The following UNKL variants were observed in gnomAD, a reference collection of about 807,000 sequenced individuals.
UNKL encodes the protein putative E3 ubiquitin-protein ligase UNKL.
In UNKL, 60 loss-of-function variants were observed where a neutral mutation model predicts 78.0. The ratio of observed to expected loss-of-function variants is 0.77; its 90% confidence interval spans 0.63 to 0.95. UNKL has a LOEUF of 0.95. Ranked by LOEUF, UNKL falls within the 40% of genes least tolerant of loss-of-function variation. The pLI, the probability that UNKL is intolerant of heterozygous loss-of-function variation, is 0.00. For synonymous variants in UNKL, 608 were observed against 474.8 expected (o/e 1.28, Z -3.65); for missense variants, 1,159 against 1,045.7 (o/e 1.11, Z -1.49).
chr16:1,366,464 G>A (rs1008192780), intron 14 of UNKL, 69 bp from the exon 15 acceptor site: 87 of 1,469,818 alleles, frequency 5.9e-5, no homozygotes, highest in Non-Finnish European at 7.7e-5. Context: ...GGAGCCGGAG[G>A]GCCTTCCGGG....
At chr16:1,405,768 A>G (rs1362913709) in intron 2 of UNKL, 1 of 345,250 alleles carries the variant, frequency 2.9e-6, no homozygotes, top group Non-Finnish European at 5.9e-6. Flanking sequence ...ATCAGTGAGC[A>G]GAGCCACGTG....
At chr16:1,408,275 G>T (rs1222640338) in intron 2 of UNKL, among the ~76,000 whole-genome samples, 4 of 150,962 alleles carry the variant, frequency 2.6e-5, no homozygotes, top group African/African-American at 7.3e-5. Context: ...CCCCCCCAAC[G>T]ACCAGGACGG....
At chr16:1,378,450 G>C (rs1596687047) in intron 10 of UNKL, among the ~76,000 whole-genome samples, 2 of 152,338 alleles carry the variant, frequency 1.3e-5, no homozygotes, top group East Asian at 1.9e-4. Flanking sequence ...GAAAATCAAA[G>C]ACGCAAAGAA....
At chr16:1,407,558 T>C (rs1596770428) in intron 2 of UNKL, among the ~76,000 whole-genome samples, 2 of 151,948 alleles carry the variant, frequency 1.3e-5, no homozygotes, top group Middle Eastern at 6.8e-3. Context: ...CAGCTGGGCG[T>C]GGTGGTGTGC....
rs928502756 is a variant in UNKL, at chr16:1,390,844, A to G, written c.1024-150T>C. The stretch of plus-strand genomic sequence containing the variant: ...CAGGAGTTCGAGACCAGCCTGGCCA[A>G]CATGGTGAAAACCTGTCTCTACTAA... On this transcript the variant is annotated intron_variant, in intron 8 of 14. Coordinates refer to ENST00000389221, the MANE Select transcript of UNKL (RefSeq NM_001372107.1). The G allele has an allele frequency of 9.0e-6, 7 of 778,104 alleles. No homozygotes were observed. The African/African-American group carries it at 1.2e-4, about 14-fold the overall frequency. 48.2% of individuals were successfully genotyped at this position (778,104 alleles called of 1,614,324 possible). A position where few individuals can be genotyped will look rare whatever the true frequency, so the allele number is the denominator to read the frequency against.
chr16:1,409,204 G>A (rs1424013564), intron 2 of UNKL, among the ~76,000 whole-genome samples: 3 of 152,282 alleles, frequency 2.0e-5, no homozygotes, highest in African/African-American at 4.8e-5. Context: ...GAGCCACCGC[G>A]CCCAGCCAAA....
intron 8 of UNKL, among the ~76,000 whole-genome samples, chr16:1,391,566 C>T (rs1046689440): frequency 1.3e-5 from 2 of 151,680 alleles, no homozygotes; most frequent in African/African-American, 4.8e-5. Context: ...CCCAAAGTGC[C>T]TGGTTTACAG....
In UNKL at chr16:1,383,813, C is replaced by A. The variant is rs975810101; in HGVS notation, c.1264+1395G>T. 1.6e-5 allele frequency: 7 copies of A among 444,656 alleles called. No individual in the cohort carries two copies. The East Asian group carries it at 3.5e-4, about 22-fold the overall frequency. 27.5% of individuals were successfully genotyped at this position (444,656 alleles called of 1,614,324 possible). On this transcript the variant is annotated intron_variant, in intron 10 of 14. Coordinates refer to ENST00000389221, the MANE Select transcript of UNKL (RefSeq NM_001372107.1). ...TCCCCAGAGTGTGTCCAGGCAGGGA[C>A]TGCAGCGAGGGCCCCCACCACGTGG...
rs757198031 is a variant in UNKL at position 1,366,199 on chromosome 16, G to A, written c.*41C>T. ...ATGTCCGTGGTCAGGAGGAGCGCTG[G>A]AGCCAGGGTGCCCAGCAGGAGGTGG... On this transcript the variant is annotated 3_prime_UTR_variant, in exon 15 of 15. Coordinates refer to ENST00000389221, the MANE Select transcript of UNKL (RefSeq NM_001372107.1). The A allele has an allele frequency of 4.4e-5, 65 of 1,468,604 alleles. No homozygotes were observed. Among genetic ancestry groups the A allele is most frequent in the Non-Finnish European group, 5.8e-5 (64 of 1,100,926 alleles). 91.0% of individuals were successfully genotyped at this position (1,468,604 alleles called of 1,614,324 possible). A position where few individuals can be genotyped will look rare whatever the true frequency, so the allele number is the denominator to read the frequency against.
At chr16:1,394,044 C>T in intron 7 of UNKL, 87 bp downstream of exon 7, 1 of 1,386,346 alleles carries the variant, frequency 7.2e-7, no homozygotes. Context: ...TCCTCGTGGG[C>T]AGCTCCGGGT....
In UNKL at chr16:1,363,522, T is replaced by TA. The variant is rs2034998263; in HGVS notation, c.*2717dup. On this transcript the variant is annotated 3_prime_UTR_variant, in exon 15 of 15. Transcript: ENST00000389221. ...CTGTATCACGGCGAATGTCGAACAC[T>TA]AGAGTTACAGACGACAGGCAACAAG... 7.7e-6 allele frequency: 2 copies of TA among 260,066 alleles called. No homozygotes were observed. Among genetic ancestry groups the TA allele is most frequent in the Non-Finnish European group, 1.5e-5 (2 of 130,922 alleles). The allele number at this position is 260,066 out of a possible 1,614,324, so 16.1% of individuals were successfully genotyped here.
intron 2 of UNKL, among the ~76,000 whole-genome samples, chr16:1,410,127 G>A (rs949980929): frequency 5.3e-5 from 8 of 152,130 alleles, no homozygotes; most frequent in African/African-American, 1.9e-4. Context: ...CTCGCCGGGT[G>A]CAGGGCTGCA....
At chr16:1,369,100 C>G (rs1289019368) in intron 12 of UNKL, among the ~76,000 whole-genome samples, 3 of 110,118 alleles carry the variant, frequency 2.7e-5, no homozygotes, top group Non-Finnish European at 5.0e-5. Context: ...GAGTCTAGCT[C>G]TATCGCCAGG....
At chr16:1,379,843 G>A (rs2036529568) in intron 10 of UNKL, among the ~76,000 whole-genome samples, 1 of 152,296 alleles carries the variant, frequency 6.6e-6, no homozygotes, top group African/African-American at 2.4e-5. Flanking sequence ...GAGCTGGGCG[G>A]GCAAGTGGGC....
chr16:1,372,202 T>G (rs1388678917), intron 10 of UNKL, among the ~76,000 whole-genome samples: 6 of 151,708 alleles, frequency 4.0e-5, no homozygotes, highest in East Asian at 1.9e-4. Context: ...AGGCGGAGCT[T>G]GCAGTGAGCC....
rs1156579773 is a variant in UNKL at position 1,397,994 on chromosome 16, G to A, written c.735-699C>T. Among the ~76,000 whole-genome samples the A allele has an allele frequency of 2.0e-5, 3 of 152,214 alleles. No individual in the cohort carries two copies. The East Asian group carries it at 5.8e-4, about 29-fold the overall frequency. On this transcript the variant is annotated intron_variant, in intron 5 of 14. Transcript: ENST00000389221. ...GTGCCAGGATGGGGTCAGGAGCCCC[G>A]GGGCTGTTCTTCACAGAATTTAACT...
intron 8 of UNKL, among the ~76,000 whole-genome samples, chr16:1,391,849 G>A (rs13332376): frequency 0.015 from 2,214 of 152,132 alleles, 58 homozygotes; most frequent in African/African-American, 0.049. Flanking sequence ...CACCACGCCC[G>A]GCTAATTTGT....
chr16:1,413,590 G>A (rs1486866745), intron 2 of UNKL, among the ~76,000 whole-genome samples: 2 of 152,232 alleles, frequency 1.3e-5, no homozygotes, highest in Admixed American at 1.3e-4. Context: ...AAAAAAAAGT[G>A]GGAGGTGAAG....
chr16:1,384,151 A>G (rs2036718422), intron 10 of UNKL, among the ~76,000 whole-genome samples: 1 of 152,040 alleles, frequency 6.6e-6, no homozygotes, highest in Non-Finnish European at 1.5e-5. Context: ...AGCACATCCC[A>G]TCACTCACCA....
Sources: allele counts gnomAD v4.1 joint callset (sites outside exome capture counted in the v4.1 genomes callset), GRCh38; gene constraint gnomAD v4.1.1; transcripts MANE v1.5; gene names NCBI Gene and HGNC (gene_info 2026-07-23, HGNC 2026-07-21).